The following ACVR1C variants were observed in gnomAD, a reference collection of about 807,000 sequenced individuals.
ACVR1C encodes the protein activin receptor type-1C.
In ACVR1C, 23 loss-of-function variants were observed where a neutral mutation model predicts 57.9. The ratio of observed to expected loss-of-function variants is 0.40; its 90% CI spans 0.29 to 0.56. ACVR1C has a LOEUF of 0.56. Among genes scored for constraint, ACVR1C ranks in the 20% least tolerant of loss-of-function variants. The pLI, the probability that ACVR1C is intolerant of heterozygous loss-of-function variation, is 0.50. For missense variants in ACVR1C, 480 were observed against 607.9 expected (o/e 0.79, Z 2.21); for synonymous variants, 214 against 215.3 (o/e 0.99, Z 0.05).
intron 2 of ACVR1C, among the ~76,000 whole-genome samples, chr2:157,557,117 A>G (rs967062697): frequency 1.3e-5 from 2 of 152,132 alleles, no homozygotes; most frequent in East Asian, 3.9e-4. Flanking sequence ...GTTCTCATTC[A>G]TCTACTAAAC....
At chr2:157,627,431 A>C (rs1299700460) in intron 1 of ACVR1C, among the ~76,000 whole-genome samples, 2 of 152,212 alleles carry the variant, frequency 1.3e-5, no homozygotes, top group Admixed American at 6.5e-5. Context: ...GATTTTGTCA[A>C]TTAATCCTTT....
In ACVR1C at chr2:157,532,544, A is replaced by C. The variant is rs556730200; in HGVS notation, c.*1374T>G. ...AATGGAGTTTGAAAAAAGATGTTTT[A>C]GGAGCATAAAAGACATCATGTTAAA... On this transcript the variant is annotated 3_prime_UTR_variant, in exon 9 of 9. Transcript: ENST00000243349. The C allele has an allele frequency of 6.6e-6, 1 of 152,222 alleles. No homozygotes were observed. Among genetic ancestry groups the C allele is most frequent in the South Asian group, 2.1e-4 (1 of 4,830 alleles). 9.4% of individuals were successfully genotyped at this position (152,222 alleles called of 1,614,324 possible).
chr2:157,543,254 C>A (rs1247678934), intron 5 of ACVR1C, among the ~76,000 whole-genome samples: 2 of 152,170 alleles, frequency 1.3e-5, no homozygotes, highest in South Asian at 2.1e-4. Context: ...TCAATTGTAG[C>A]CAAAAGATCC....
chr2:157,546,794 G>A (rs911707089), intron 4 of ACVR1C, among the ~76,000 whole-genome samples: 2 of 152,066 alleles, frequency 1.3e-5, no homozygotes, highest in South Asian at 4.2e-4. Flanking sequence ...AATATTTTAT[G>A]AGTACTTATT....
In ACVR1C at chr2:157,551,141, TGTGAAATAAAG is replaced by T. The variant is rs375144466; in HGVS notation, c.545-760_545-750del. ...TAAAAGTGTCAGGTAATGGAATAAT[TGTGAAATAAAG>T]TGCAGAGATTAAGAGCACAGGCGGA... On this transcript the variant is annotated intron_variant, in intron 3 of 8. Transcript: ENST00000243349. Among the ~76,000 whole-genome samples, 619 of 152,336 alleles carry T rather than the reference TGTGAAATAAAG, an allele frequency of 4.1e-3. 3 individuals are homozygous for T. The highest frequency in any genetic ancestry group is 0.014 in the African/African-American group (577 of 41,572).
intron 3 of ACVR1C, among the ~76,000 whole-genome samples, chr2:157,551,518 T>C (rs1351270643): frequency 6.6e-6 from 1 of 152,216 alleles, no homozygotes; most frequent in Non-Finnish European, 1.5e-5. Flanking sequence ...TGTATCTAGC[T>C]ATTCAAAATA....
chr2:157,538,520 A>C, intron 8 of ACVR1C, 53 bp downstream of exon 8: 19 of 1,419,168 alleles, frequency 1.3e-5, no homozygotes, highest in East Asian at 2.5e-5. Context: ...AGTCTCCCCG[A>C]TACTCACCTC....
chr2:157,566,880 T>A (rs1372961167), intron 2 of ACVR1C, among the ~76,000 whole-genome samples: 3 of 151,814 alleles, frequency 2.0e-5, no homozygotes, highest in Non-Finnish European at 4.4e-5. Flanking sequence ...CAAGGAGGCC[T>A]GCCTGCCTCT....
At chr2:157,574,890 A>C (rs968079065) in intron 2 of ACVR1C, among the ~76,000 whole-genome samples, 1 of 152,216 alleles carries the variant, frequency 6.6e-6, no homozygotes, top group Admixed American at 6.5e-5. Flanking sequence ...GGCAGCTGCT[A>C]TAACTCCAAC....
chr2:157,559,631 A>C (rs1688190124), intron 2 of ACVR1C, among the ~76,000 whole-genome samples: 1 of 152,202 alleles, frequency 6.6e-6, no homozygotes, highest in African/African-American at 2.4e-5. Context: ...TGGAATTAGC[A>C]GCTCCATGGG....
rs755701873 is a variant in ACVR1C at position 157,587,240 on chromosome 2, G to A, written c.251C>T (p.Thr84Ile). ...GCAAAAATCTGTGAAGCAGCATTCG[G>A]TTTTGGTAACATTGTTGGAACTATG... Reference protein sequence around the residue: ...FCHSSNNVTKTECCFTDFCNN... With the variant: ...FCHSSNNVTKIECCFTDFCNN... The change falls in exon 2 of 9, where the codon ACC (threonine) becomes ATC (isoleucine). Residue 84 changes from threonine (T) to isoleucine (I), a missense_variant. By Grantham distance (89) the Thr-to-Ile change is moderately conservative. Transcript: ENST00000243349. 1 of 1,613,708 alleles carries A rather than the reference G, an allele frequency of 6.2e-7. No homozygotes were observed. The highest frequency in any genetic ancestry group is 1.1e-5 in the South Asian group (1 of 91,078).
At chr2:157,535,386 T>C (rs1687457271) in intron 8 of ACVR1C, among the ~76,000 whole-genome samples, 1 of 152,072 alleles carries the variant, frequency 6.6e-6, no homozygotes. Flanking sequence ...AATAGTAGTT[T>C]TGGCCCATAG....
intron 4 of ACVR1C, among the ~76,000 whole-genome samples, chr2:157,545,843 C>T (rs568729645): frequency 1.3e-5 from 2 of 152,214 alleles, no homozygotes; most frequent in South Asian, 2.1e-4. Flanking sequence ...GTCGCAATCT[C>T]GGCTCACTGC....
intron 2 of ACVR1C, among the ~76,000 whole-genome samples, chr2:157,562,465 AAAAT>A (rs1447096539): frequency 1.2e-4 from 1 of 8,252 alleles, no homozygotes; most frequent in Non-Finnish European, 6.1e-4. Flanking sequence ...CCAAAAAAAT[AAAAT>A]AAAATAAAAT....
rs574033507 is a variant in ACVR1C, at chr2:157,589,341, A to G, written c.74-1924T>C. Among the ~76,000 whole-genome samples the G allele has an allele frequency of 5.3e-5, 8 of 151,976 alleles. No homozygotes were observed. In the South Asian group the frequency reaches 1.7e-3, roughly 32 times the overall value. ...AGCCATTTGTATGTCTTCTTTTGAG[A>G]AGTGTTTGTTCGTGTCATTTGCCCA... On this transcript the variant is annotated intron_variant, in intron 1 of 8. Coordinates refer to ENST00000243349, the MANE Select transcript of ACVR1C (RefSeq NM_145259.3).
intron 3 of ACVR1C, among the ~76,000 whole-genome samples, chr2:157,551,595 C>A (rs541825837): frequency 1.2e-4 from 19 of 152,008 alleles, no homozygotes; most frequent in Admixed American, 2.6e-4. Context: ...CTTGGTGAAA[C>A]CGGGGTGAGT....
chr2:157,566,569 G>C (rs2105235620), intron 2 of ACVR1C, among the ~76,000 whole-genome samples: 1 of 152,268 alleles, frequency 6.6e-6, no homozygotes, highest in East Asian at 1.9e-4. Context: ...GGGTCAGGGA[G>C]TTCCCTTTCT....
intron 2 of ACVR1C, among the ~76,000 whole-genome samples, chr2:157,566,164 A>G (rs1262692556): frequency 1.3e-5 from 2 of 152,222 alleles, no homozygotes; most frequent in African/African-American, 4.8e-5. Context: ...AATATTTTAG[A>G]GTTCTTTTTT....
chr2:157,582,719 GT>G (rs1375145702), intron 2 of ACVR1C, among the ~76,000 whole-genome samples: 1 of 152,112 alleles, frequency 6.6e-6, no homozygotes, highest in East Asian at 1.9e-4. Flanking sequence ...GTCCCATCCA[GT>G]GCAAAAACGC....
Sources: allele counts gnomAD v4.1 joint callset (sites outside exome capture counted in the v4.1 genomes callset), GRCh38; gene constraint gnomAD v4.1.1; transcripts MANE v1.5; gene names NCBI Gene and HGNC (gene_info 2026-07-23, HGNC 2026-07-21).